The following AGFG1 variants were observed in gnomAD, a reference collection of about 807,000 sequenced individuals.
The protein encoded by AGFG1 is ArfGAP with FG repeats 1.
Under a neutral mutation model 60.6 loss-of-function variants are expected in AGFG1, and 10 were observed. That is an observed-to-expected ratio of 0.16 (90% CI 0.10 to 0.28). The LOEUF (loss-of-function observed/expected upper bound fraction) is 0.28. Among genes scored for constraint, AGFG1 ranks in the 10% least tolerant of loss-of-function variants. The pLI is 1.00. For synonymous variants in AGFG1, 247 were observed against 242.9 expected, an observed-to-expected ratio of 1.02 and a Z score of -0.16; for missense variants, 537 against 676.5, an observed-to-expected ratio of 0.79 and a Z score of 2.29.
intron 8 of AGFG1, among the ~76,000 whole-genome samples, chr2:227,535,614 C>T (rs948941966): frequency 2.0e-5 from 3 of 152,076 alleles, no homozygotes; most frequent in Admixed American, 6.6e-5. Context: ...TTTAGAGTTG[C>T]GGAAATAGTC....
chr2:227,482,510 A>T lies in AGFG1; in HGVS notation c.168-9037A>T, dbSNP rs1043982343. Among the ~76,000 whole-genome samples, 5 of 152,308 alleles carry T rather than the reference A, an allele frequency of 3.3e-5. No individual in the cohort carries two copies. The East Asian group carries it at 7.7e-4, about 23-fold the overall frequency. On this transcript the variant is annotated intron_variant, in intron 1 of 12. Transcript: ENST00000310078. ...AATGTATAATTTTATGCTATGAAAC[A>T]TATGTAATATTTTTAGTAAATAACT...
At chr2:227,538,973 T>A (rs774531219) in intron 10 of AGFG1, among the ~76,000 whole-genome samples, 6 of 152,210 alleles carry the variant, frequency 3.9e-5, no homozygotes, top group Non-Finnish European at 7.3e-5. Flanking sequence ...ATTTATCACG[T>A]TGGTCACCTT....
intron 2 of AGFG1, among the ~76,000 whole-genome samples, chr2:227,505,662 T>C (rs1691291221): frequency 1.3e-5 from 2 of 152,202 alleles, no homozygotes; most frequent in Non-Finnish European, 2.9e-5. Context: ...TCCATTTCTC[T>C]GCTCAGATTT....
intron 1 of AGFG1, among the ~76,000 whole-genome samples, chr2:227,481,911 G>C (rs976829414): frequency 6.8e-6 from 1 of 147,210 alleles, no homozygotes; most frequent in African/African-American, 2.5e-5. Flanking sequence ...TGTTGCCCAG[G>C]TTGGAGTGCA....
chr2:227,549,478 C>T (rs1198282099), intron 10 of AGFG1, among the ~76,000 whole-genome samples: 2 of 152,112 alleles, frequency 1.3e-5, no homozygotes, highest in African/African-American at 2.4e-5. Context: ...TTTTTTCTCT[C>T]TTCTTTTCAG....
chr2:227,484,027 G>T (rs1332978326), intron 1 of AGFG1, among the ~76,000 whole-genome samples: 1 of 151,886 alleles, frequency 6.6e-6, no homozygotes, highest in African/African-American at 2.4e-5. Context: ...TTAACATTAG[G>T]TATATCTCCT....
chr2:227,496,643 C>T (rs1034222407), intron 2 of AGFG1, among the ~76,000 whole-genome samples: 2 of 152,072 alleles, frequency 1.3e-5, no homozygotes, highest in Non-Finnish European at 2.9e-5. Flanking sequence ...GCTTTTTAGC[C>T]TTAATTTCTA....
chr2:227,532,601 G>A (rs935571096), intron 6 of AGFG1, among the ~76,000 whole-genome samples: 5 of 151,982 alleles, frequency 3.3e-5, no homozygotes, highest in African/African-American at 7.2e-5. Flanking sequence ...CTGCTTGATA[G>A]AAAGTGTTCG....
At chr2:227,488,813 TTTAC>T (rs1690713201) in intron 1 of AGFG1, among the ~76,000 whole-genome samples, 1 of 152,100 alleles carries the variant, frequency 6.6e-6, no homozygotes, top group South Asian at 2.1e-4. Flanking sequence ...TGGAAATTTA[TTTAC>T]TTATTTATTT....
chr2:227,534,423 C>T (rs1408480335), intron 7 of AGFG1, among the ~76,000 whole-genome samples: 3 of 152,278 alleles, frequency 2.0e-5, no homozygotes, highest in East Asian at 3.9e-4. Flanking sequence ...ATAAATGTTT[C>T]CCGTTATTAC....
chr2:227,531,300 T>A (rs1463611925), intron 6 of AGFG1, 90 bp downstream of exon 6: 1 of 1,412,756 alleles, frequency 7.1e-7, no homozygotes, highest in East Asian at 2.4e-5. Context: ...TAAACTTAAA[T>A]TCTGTAATTA....
Position 227,559,226 on chromosome 2 carries a change from A to G in AGFG1, c.*4731A>G, listed in dbSNP as rs1037392095. On this transcript the variant is annotated 3_prime_UTR_variant, in exon 13 of 13. Transcript: ENST00000310078. ...TGAATCCATCTTTTTGAAATGGGGC[A>G]TGTACTCTTAAGGTGGCCACTAGCT... 1 of 152,206 alleles carries G rather than the reference A, an allele frequency of 6.6e-6. No homozygotes were observed. The highest frequency in any genetic ancestry group is 1.5e-5 in the Non-Finnish European group (1 of 68,024). 9.4% of individuals were successfully genotyped at this position (152,206 alleles called of 1,614,324 possible).
chr2:227,490,573 G>A (rs560875281), intron 1 of AGFG1, among the ~76,000 whole-genome samples: 3 of 100,342 alleles, frequency 3.0e-5, no homozygotes, highest in African/African-American at 1.0e-4. Context: ...GCGAGACTCC[G>A]TCTCAAAAAA....
rs149843605 is a variant in AGFG1 at position 227,554,599 on chromosome 2, A to G, written c.*104A>G. 32 of 1,001,564 alleles carry G rather than the reference A, an allele frequency of 3.2e-5. No homozygotes were observed. The highest frequency in any genetic ancestry group is 4.7e-5 in the Non-Finnish European group (32 of 680,094). The allele number at this position is 1,001,564 out of a possible 1,614,324, so 62.0% of individuals were successfully genotyped here. A position where few individuals can be genotyped will look rare whatever the true frequency, so the allele number is the denominator to read the frequency against. ...TTCACTGATCTTAGCTTTAAACACAAGAGAAGTCTTTAAAAAGCCTGCATT... is the reference window on the plus strand; with the variant it reads ...TTCACTGATCTTAGCTTTAAACACAGGAGAAGTCTTTAAAAAGCCTGCATT... On this transcript the variant is annotated 3_prime_UTR_variant, in exon 13 of 13. Coordinates refer to ENST00000310078, the MANE Select transcript of AGFG1 (RefSeq NM_004504.5).
At chr2:227,543,559 A>G (rs1304015623) in intron 10 of AGFG1, among the ~76,000 whole-genome samples, 1 of 152,220 alleles carries the variant, frequency 6.6e-6, no homozygotes, top group African/African-American at 2.4e-5. Context: ...TTTGCTGAAG[A>G]GTGCTTTACT....
At chr2:227,477,049 C>A (rs1021569767) in intron 1 of AGFG1, among the ~76,000 whole-genome samples, 4 of 151,856 alleles carry the variant, frequency 2.6e-5, no homozygotes, top group Non-Finnish European at 5.9e-5. Context: ...TTACAGGCGC[C>A]CGCCACCATG....
At chr2:227,498,005 A>G (rs1005268693) in intron 2 of AGFG1, among the ~76,000 whole-genome samples, 1 of 151,106 alleles carries the variant, frequency 6.6e-6, no homozygotes, top group Non-Finnish European at 1.5e-5. Context: ...CCTGACCTTC[A>G]TTTTCCTTTG....
At chr2:227,540,590 T>C (rs1044212903) in intron 10 of AGFG1, among the ~76,000 whole-genome samples, 1 of 152,238 alleles carries the variant, frequency 6.6e-6, no homozygotes, top group Non-Finnish European at 1.5e-5. Context: ...TAATCCAGTC[T>C]GTCATTGATG....
intron 2 of AGFG1, among the ~76,000 whole-genome samples, chr2:227,494,940 A>C (rs1690933118): frequency 6.6e-6 from 1 of 152,200 alleles, no homozygotes; most frequent in Non-Finnish European, 1.5e-5. Flanking sequence ...TGTGGTAAGC[A>C]AATAATGTTA....
Sources: allele counts gnomAD v4.1 joint callset (sites outside exome capture counted in the v4.1 genomes callset), GRCh38; gene constraint gnomAD v4.1.1; transcripts MANE v1.5; gene names NCBI Gene and HGNC (gene_info 2026-07-23, HGNC 2026-07-21).